The following ZNF503 variants were observed in gnomAD, a reference collection of about 807,000 sequenced individuals.
The protein encoded by ZNF503 is zinc finger protein 503.
In ZNF503, 15 loss-of-function variants were observed where a neutral mutation model predicts 34.4. The ratio of observed to expected loss-of-function variants is 0.44; its 90% CI spans 0.29 to 0.67. The LOEUF (loss-of-function observed/expected upper bound fraction) is 0.67, where lower values mean the gene tolerates loss of function less well. Ranked by LOEUF, ZNF503 falls within the 30% of genes least tolerant of loss-of-function variation. ZNF503 has a pLI of 0.13. For missense variants in ZNF503, 1,007 were observed against 926.8 expected (o/e 1.09, Z -1.12); for synonymous variants, 580 against 456.8 (o/e 1.27, Z -3.44).
Position 75,400,297 on chromosome 10 carries a change from G to T in ZNF503, c.393C>A (p.Ser131=). The stretch of plus-strand genomic sequence containing the variant: ...TGGAGGCAACCGAGGAGAGTTTGGA[G>T]GAGGGCGAGGGGTCGGGCTTCCCGA... The part of the protein sequence containing the change: ...SQIGKPDPSP[S]SKLSSVASNG... Residue 131 remains serine (S), a synonymous_variant, in exon 2 of 2, where the codon TCC becomes TCA. Transcript: ENST00000372524. 1 of 1,613,176 alleles carries T rather than the reference G, an allele frequency of 6.2e-7. No individual in the cohort carries two copies.
At chr10:75,291,053 C>T in the ZNF503 span, among the ~76,000 whole-genome samples, 87 of 152,304 alleles carry the variant, frequency 5.7e-4, no homozygotes, top group African/African-American at 2.0e-3. Context: ...AAGGAAATGT[C>T]CGCTCTTTAG....
chr10:75,389,395 C>T, the ZNF503 span, among the ~76,000 whole-genome samples: 5 of 152,200 alleles, frequency 3.3e-5, no homozygotes, highest in African/African-American at 4.8e-5. Flanking sequence ...TAGGTGTCCG[C>T]TGGGCCACCT....
the ZNF503 span, among the ~76,000 whole-genome samples, chr10:75,348,540 CTT>C: frequency 2.8e-5 from 3 of 105,392 alleles, no homozygotes; most frequent in African/African-American, 1.1e-4. Context: ...GAGACAGAGT[CTT>C]GTTCTGTTGC....
At chr10:75,343,645 C>G in the ZNF503 span, among the ~76,000 whole-genome samples, 1 of 152,212 alleles carries the variant, frequency 6.6e-6, no homozygotes, top group Non-Finnish European at 1.5e-5. Flanking sequence ...ACCCAAATCC[C>G]CTCCATGGAG....
At chr10:75,382,940 A>T in the ZNF503 span, 1 of 200,320 alleles carries the variant, frequency 5.0e-6, no homozygotes, top group Non-Finnish European at 1.0e-5. Flanking sequence ...TGTTCTAGGG[A>T]TGCATGATCT....
rs1340151438 is a variant in ZNF503, at chr10:75,399,072, G to A, written c.1618C>T (p.Arg540Trp). 7 of 1,613,366 alleles carry A rather than the reference G, an allele frequency of 4.3e-6. No homozygotes were observed. Among genetic ancestry groups the A allele is most frequent in the South Asian group, 2.2e-5 (2 of 91,082 alleles). The stretch of plus-strand genomic sequence containing the variant: ...GTCCCGGGAAATGCCGTATGGGTCC[G>A]CAAGTGGCTCAGCAGCTCTTCGGAC... ...ATSEELLSHL[R>W]THTAFPGTDK... The change falls in exon 2 of 2, where the codon CGG (arginine) becomes TGG (tryptophan). Residue 540 changes from arginine to tryptophan, a missense_variant. Arg to Trp is a moderately radical substitution (Grantham distance 101). Coordinates refer to ENST00000372524, the MANE Select transcript of ZNF503 (RefSeq NM_032772.6).
the ZNF503 span, among the ~76,000 whole-genome samples, chr10:75,370,059 A>AAAAT: frequency 0.45 from 63,955 of 142,488 alleles, 14,775 homozygotes; most frequent in Admixed American, 0.49. Context: ...ACTACATGTC[A>AAAAT]AAATAAATAA....
At chr10:75,322,506 A>G in the ZNF503 span, among the ~76,000 whole-genome samples, 1 of 152,080 alleles carries the variant, frequency 6.6e-6, no homozygotes, top group East Asian at 1.9e-4. Flanking sequence ...ATTTTAAACC[A>G]CACATGATAT....
the ZNF503 span, among the ~76,000 whole-genome samples, chr10:75,285,633 G>C: frequency 6.6e-6 from 1 of 152,224 alleles, no homozygotes; most frequent in Admixed American, 6.5e-5. Flanking sequence ...ACATCATGTT[G>C]AAAGCCGGAC....
chr10:75,378,014 A>T, the ZNF503 span, among the ~76,000 whole-genome samples: 1 of 152,026 alleles, frequency 6.6e-6, no homozygotes, highest in South Asian at 2.1e-4. Flanking sequence ...GAGGTTCCAC[A>T]CACTTTTAAA....
the ZNF503 span, among the ~76,000 whole-genome samples, chr10:75,373,168 A>G: frequency 6.6e-6 from 1 of 152,218 alleles, no homozygotes; most frequent in Non-Finnish European, 1.5e-5. Context: ...TCAGCCCTTC[A>G]CTGGGCATTG....
At chr10:75,366,584 G>A in the ZNF503 span, among the ~76,000 whole-genome samples, 1 of 152,240 alleles carries the variant, frequency 6.6e-6, no homozygotes, top group Non-Finnish European at 1.5e-5. Context: ...CATCCAAGGG[G>A]TACTGGGGAA....
At position 75,398,953 on chromosome 10, in the gene ZNF503, G is replaced by A. The variant is rs3814638; in HGVS notation, c.1737C>T (p.Gly579=). The change falls in exon 2 of 2, where the codon GGC becomes GGT. Residue 579 remains glycine, a synonymous_variant. Coordinates refer to ENST00000372524, the MANE Select transcript of ZNF503 (RefSeq NM_032772.6). ...CCAGCGTCCCAGGGCTGCCCGGTGC[G>A]CCCGAGGTGGGGATGTGCATGTGGC... is the stretch of plus-strand genomic sequence containing the variant. ...MACHMHIPTS[G]APGSPGTLAL... 326 of 1,601,072 alleles carry A rather than the reference G, an allele frequency of 2.0e-4. No homozygotes were observed. The East Asian group carries it at 6.6e-3, about 32-fold the overall frequency.
the ZNF503 span, among the ~76,000 whole-genome samples, chr10:75,377,761 G>A: frequency 6.6e-6 from 1 of 152,210 alleles, no homozygotes; most frequent in African/African-American, 2.4e-5. Flanking sequence ...GGTCTGCATG[G>A]CCACACATGA....
the ZNF503 span, among the ~76,000 whole-genome samples, chr10:75,364,952 G>A: frequency 5.9e-4 from 90 of 152,298 alleles, no homozygotes; most frequent in Middle Eastern, 3.4e-3. Context: ...CACCATAAAA[G>A]GTTATTAAGG....
the ZNF503 span, among the ~76,000 whole-genome samples, chr10:75,351,060 T>C: frequency 3.3e-5 from 5 of 152,222 alleles, no homozygotes; most frequent in African/African-American, 1.2e-4. Flanking sequence ...TCCAATTCTT[T>C]GGAATGATTA....
the ZNF503 span, among the ~76,000 whole-genome samples, chr10:75,321,453 G>A: frequency 2.0e-5 from 3 of 152,216 alleles, no homozygotes; most frequent in East Asian, 5.8e-4. Context: ...GGAAGTCTCA[G>A]AAGGAGAAAG....
chr10:75,308,828 G>A, the ZNF503 span, among the ~76,000 whole-genome samples: 1 of 152,126 alleles, frequency 6.6e-6, no homozygotes, highest in South Asian at 2.1e-4. Context: ...GATAAGATAA[G>A]TAGTTGCTTC....
chr10:75,319,427 A>C, the ZNF503 span, among the ~76,000 whole-genome samples: 1 of 152,206 alleles, frequency 6.6e-6, no homozygotes, highest in Non-Finnish European at 1.5e-5. Flanking sequence ...ATGACAACAT[A>C]AGCAGACTGT....
Sources: gnomAD v4.1 joint callset for allele counts (sites outside exome capture counted in the v4.1 genomes callset) on GRCh38, gnomAD v4.1.1 for gene constraint, MANE v1.5 for transcripts, NCBI Gene and HGNC (gene_info 2026-07-23, HGNC 2026-07-21) for gene names.